Variants in CAST observed in about 807,000 individuals in gnomAD.
The protein encoded by CAST is MIR583 host.
A neutral mutation model predicts 119.6 loss-of-function variants in CAST; 76 were observed. That is an observed-to-expected ratio of 0.64 (90% CI 0.53 to 0.77). The LOEUF is 0.77. Among genes scored for constraint, CAST ranks in the 30% least tolerant of loss-of-function variants. The probability of loss-of-function intolerance (pLI) is 0.00; values close to 1 mark genes in which losing one functional copy is unlikely to be tolerated. For synonymous variants in CAST, 319 were observed against 331.6 expected, an observed-to-expected ratio of 0.96 and a Z score of 0.41; for missense variants, 953 against 946.5, an observed-to-expected ratio of 1.01 and a Z score of -0.09.
intron 2 of CAST, among the ~76,000 whole-genome samples, chr5:96,680,370 A>T (rs1561466196): frequency 7.2e-6 from 1 of 139,622 alleles, no homozygotes; most frequent in East Asian, 2.0e-4. Flanking sequence ...AAAAAAAAAA[A>T]AAAAAAAAAG....
At chr5:96,035,263 T>C in the CAST span, among the ~76,000 whole-genome samples, 2 of 149,128 alleles carry the variant, frequency 1.3e-5, no homozygotes, top group Admixed American at 6.7e-5. Context: ...AGTAAATACA[T>C]ACAGTTTTTT....
At chr5:96,322,162 T>C in the CAST span, among the ~76,000 whole-genome samples, 3 of 152,146 alleles carry the variant, frequency 2.0e-5, no homozygotes, top group Non-Finnish European at 4.4e-5. Flanking sequence ...GGTGGTCTAC[T>C]CTTGGAATTT....
At chr5:96,232,077 T>G in the CAST span, among the ~76,000 whole-genome samples, 1 of 152,046 alleles carries the variant, frequency 6.6e-6, no homozygotes, top group Non-Finnish European at 1.5e-5. Context: ...TAAATAACAA[T>G]AAACTTTTCA....
chr5:95,993,737 C>G, the CAST span, among the ~76,000 whole-genome samples: 6 of 151,962 alleles, frequency 3.9e-5, no homozygotes, highest in Non-Finnish European at 5.9e-5. Context: ...ACACATTTGA[C>G]CAAAGGCTTG....
chr5:95,974,545 G>A, the CAST span, among the ~76,000 whole-genome samples: 5 of 152,144 alleles, frequency 3.3e-5, no homozygotes, highest in African/African-American at 7.2e-5. Context: ...AAGCTTTCTG[G>A]CTTCTGATAT....
chr5:96,561,986 G>A, intron 1 of CAST, among the ~76,000 whole-genome samples: 1 of 149,568 alleles, frequency 6.7e-6, no homozygotes, highest in South Asian at 2.1e-4. Flanking sequence ...TAGAGACGGG[G>A]TTTCACCGTG....
the CAST span, among the ~76,000 whole-genome samples, chr5:96,035,180 T>G: frequency 7.4e-6 from 1 of 134,466 alleles, no homozygotes; most frequent in South Asian, 2.3e-4. Flanking sequence ...TTTTGAAGTA[T>G]ATATATAAAA....
the CAST span, among the ~76,000 whole-genome samples, chr5:96,117,110 C>T: frequency 3.3e-5 from 5 of 152,160 alleles, no homozygotes; most frequent in Non-Finnish European, 7.4e-5. Flanking sequence ...GCTTCATTTC[C>T]TTACTTGTGT....
At chr5:96,339,945 C>G in the CAST span, among the ~76,000 whole-genome samples, 1 of 152,116 alleles carries the variant, frequency 6.6e-6, no homozygotes, top group Non-Finnish European at 1.5e-5. Flanking sequence ...GACAAAGTGC[C>G]TTGAGCTCTG....
upstream of CAST, among the ~76,000 whole-genome samples, chr5:96,660,109 T>C (rs147738938): frequency 7.3e-4 from 111 of 152,316 alleles, no homozygotes; most frequent in Non-Finnish European, 1.1e-3. Context: ...AATGAGCTGG[T>C]GAATAGATTG....
intron 3 of CAST, among the ~76,000 whole-genome samples, chr5:96,697,380 C>T (rs1483138677): frequency 2.6e-5 from 4 of 151,792 alleles, no homozygotes; most frequent in African/African-American, 4.8e-5. Flanking sequence ...TTAGTATTTT[C>T]GTGTCACTCA....
At chr5:96,215,784 T>C in the CAST span, among the ~76,000 whole-genome samples, 2 of 152,030 alleles carry the variant, frequency 1.3e-5, no homozygotes, top group Admixed American at 6.6e-5. Flanking sequence ...AAATAATAAA[T>C]ATATTTTTCT....
chr5:96,171,985 C>T, the CAST span, among the ~76,000 whole-genome samples: 94 of 152,222 alleles, frequency 6.2e-4, 1 homozygote, highest in Admixed American at 3.1e-3. Flanking sequence ...CACTCACATC[C>T]GTGTGAAGAG....
chr5:96,513,575 T>C, the CAST span, among the ~76,000 whole-genome samples: 3 of 152,140 alleles, frequency 2.0e-5, no homozygotes, highest in African/African-American at 7.2e-5. Flanking sequence ...TGGGTATAAA[T>C]ACAAATTCCT....
chr5:96,361,406 G>T, the CAST span, among the ~76,000 whole-genome samples: 1 of 152,194 alleles, frequency 6.6e-6, no homozygotes, highest in African/African-American at 2.4e-5. Context: ...AGCTAGCTCA[G>T]TGTCTGCCCA....
At chr5:96,458,606 C>T in the CAST span, among the ~76,000 whole-genome samples, 2 of 152,154 alleles carry the variant, frequency 1.3e-5, no homozygotes, top group African/African-American at 4.8e-5. Flanking sequence ...GGGAATCTTA[C>T]ACAGTTAGAG....
At chr5:96,027,980 T>C in the CAST span, among the ~76,000 whole-genome samples, 6 of 150,888 alleles carry the variant, frequency 4.0e-5, no homozygotes, top group East Asian at 1.2e-3. Context: ...AAAATGGAGA[T>C]ATTCTCCTTC....
At chr5:96,089,537 G>A in the CAST span, among the ~76,000 whole-genome samples, 3 of 152,296 alleles carry the variant, frequency 2.0e-5, no homozygotes, top group Non-Finnish European at 4.4e-5. Context: ...TTGTTAAAAG[G>A]ATAAGGTGGG....
the CAST span, among the ~76,000 whole-genome samples, chr5:95,969,213 T>C: frequency 6.6e-6 from 1 of 152,160 alleles, no homozygotes; most frequent in Non-Finnish European, 1.5e-5. Flanking sequence ...GGAGAGCTTT[T>C]AGTATTGGGT....
Sources: allele counts gnomAD v4.1 joint callset (sites outside exome capture counted in the v4.1 genomes callset), GRCh38; gene constraint gnomAD v4.1.1; transcripts MANE v1.5; gene names NCBI Gene and HGNC (gene_info 2026-07-23, HGNC 2026-07-21).